The following KLRD1 variants were observed in gnomAD, a reference collection of about 807,000 sequenced individuals.
KLRD1 encodes the protein killer cell lectin like receptor D1.
In KLRD1, 21 loss-of-function variants were observed where a neutral mutation model predicts 22.6. The ratio of observed to expected loss-of-function variants is 0.93; its 90% CI spans 0.66 to 1.34. The LOEUF is 1.34. KLRD1 is among the 40% of genes most tolerant of loss of function. KLRD1 has a pLI of 0.00. For synonymous variants in KLRD1, 59 were observed against 71.1 expected, an observed-to-expected ratio of 0.83 and a Z score of 0.85; for missense variants, 183 against 208.6, an observed-to-expected ratio of 0.88 and a Z score of 0.76.
intron 1 of KLRD1, among the ~76,000 whole-genome samples, chr12:10,283,005 T>G (rs1949660842): frequency 6.6e-6 from 1 of 152,192 alleles, no homozygotes; most frequent in South Asian, 2.1e-4. Context: ...TTCGTGAATG[T>G]CCAGGCAGGA....
Position 10,321,689 on chromosome 12 carries a change from C to T in KLRD1, c.*6896C>T, listed in dbSNP as rs575308137. 2.6e-5 allele frequency: 4 copies of T among 152,306 alleles called. No homozygotes were observed. The South Asian group carries it at 6.2e-4, about 24-fold the overall frequency. 9.4% of individuals were successfully genotyped at this position (152,306 alleles called of 1,614,324 possible). On this transcript the variant is annotated 3_prime_UTR_variant, in exon 6 of 6. Transcript: ENST00000336164. ...TATCATCTGATTTGGTGGAAGCCAG[C>T]TACCTTGTCGTGAGCAACTCTTTTA... is the stretch of plus-strand genomic sequence containing the variant.
chr12:10,300,202 A>G (rs1020622074), upstream of KLRD1, among the ~76,000 whole-genome samples: 6 of 152,186 alleles, frequency 3.9e-5, no homozygotes, highest in Non-Finnish European at 7.3e-5. Context: ...TTCTTAATTT[A>G]CTTTATCCAG....
At chr12:10,303,451 T>C (rs1949883812), upstream of KLRD1, among the ~76,000 whole-genome samples, 1 of 152,174 alleles carries the variant, frequency 6.6e-6, no homozygotes, top group South Asian at 2.1e-4. Context: ...ACATGTTGAA[T>C]AAAGATTTTC....
chr12:10,314,819 A>G lies in KLRD1; in HGVS notation c.*26A>G. Reference sequence around the variant, plus strand: ...ATGTTTCTTGGGGCAGAGAAGGTGGAGAGTAAAGACCCAACATTACTAACA... The same window carrying G: ...ATGTTTCTTGGGGCAGAGAAGGTGGGGAGTAAAGACCCAACATTACTAACA... On this transcript the variant is annotated 3_prime_UTR_variant, in exon 6 of 6. Coordinates refer to ENST00000336164, the MANE Select transcript of KLRD1 (RefSeq NM_002262.5). The G allele has an allele frequency of 6.3e-7, 1 of 1,594,374 alleles. No individual in the cohort carries two copies. Among genetic ancestry groups the G allele is most frequent in the Non-Finnish European group, 8.5e-7 (1 of 1,172,270 alleles).
chr12:10,311,635 T>A lies in KLRD1; in HGVS notation c.315+20T>A. On this transcript the variant is annotated intron_variant, in intron 4 of 5. Coordinates refer to ENST00000336164, the MANE Select transcript of KLRD1 (RefSeq NM_002262.5). ...GAACTGGCATGTGCTGAGTCTGATT[T>A]TCTACATTTTCTTTGATCTAGAAAA... is the stretch of plus-strand genomic sequence containing the variant. 6.2e-7 allele frequency: 1 copy of A among 1,608,918 alleles called. No individual in the cohort carries two copies. The highest frequency in any genetic ancestry group is 8.5e-7 in the Non-Finnish European group (1 of 1,176,454).
intron 1 of KLRD1, among the ~76,000 whole-genome samples, chr12:10,298,119 T>C (rs1565463630): frequency 6.6e-6 from 1 of 152,200 alleles, no homozygotes; most frequent in Non-Finnish European, 1.5e-5. Flanking sequence ...GTGCTAATGA[T>C]ATAATTGAGG....
chr12:10,277,042 A>G (rs1371373364), intron 1 of KLRD1, among the ~76,000 whole-genome samples: 1 of 152,136 alleles, frequency 6.6e-6, no homozygotes, highest in African/African-American at 2.4e-5. Context: ...TGAGAAAATA[A>G]AAGTCAAGCC....
chr12:10,303,888 C>G (rs1317966776), upstream of KLRD1, among the ~76,000 whole-genome samples: 4 of 151,988 alleles, frequency 2.6e-5, no homozygotes, highest in Non-Finnish European at 5.9e-5. Flanking sequence ...CCTACAGATG[C>G]AAAAGTCTGT....
chr12:10,272,466 C>T (rs1403879690), intron 1 of KLRD1, among the ~76,000 whole-genome samples: 3 of 152,160 alleles, frequency 2.0e-5, no homozygotes, highest in African/African-American at 7.2e-5. Flanking sequence ...GTTATGAACT[C>T]ATTATTTTTA....
At chr12:10,240,386 T>C (rs1949229533) in intron 1 of KLRD1, among the ~76,000 whole-genome samples, 1 of 152,074 alleles carries the variant, frequency 6.6e-6, no homozygotes, top group East Asian at 1.9e-4. Flanking sequence ...ACATGCCTTT[T>C]TTTTTTCTTT....
chr12:10,272,809 A>G (rs1036390037), intron 1 of KLRD1, among the ~76,000 whole-genome samples: 5 of 152,226 alleles, frequency 3.3e-5, no homozygotes, highest in African/African-American at 1.2e-4. Flanking sequence ...TCTTTTATGT[A>G]TGATGAACCA....
At chr12:10,242,455 T>C (rs1283522881) in intron 1 of KLRD1, among the ~76,000 whole-genome samples, 1 of 152,160 alleles carries the variant, frequency 6.6e-6, no homozygotes, top group Non-Finnish European at 1.5e-5. Context: ...CACTGTACCA[T>C]CTGGTGGATA....
At position 10,276,525 on chromosome 12, in the gene KLRD1, T is replaced by C. The variant is rs928093711; in HGVS notation, c.-100-31453T>C. Among the ~76,000 whole-genome samples the C allele has an allele frequency of 2.0e-5, 3 of 152,110 alleles. No homozygotes were observed. In the East Asian group the frequency reaches 5.8e-4, roughly 29 times the overall value. ...TCTTGGTATTGAGAATAAGAAATTT[T>C]TCTTTTTCTTTTTTTCTTTTGAATC... On this transcript the variant is annotated intron_variant, in intron 1 of 5. Coordinates refer to the KLRD1 transcript ENST00000544747.
intron 4 of KLRD1, 49 bp downstream of exon 4, chr12:10,311,664 T>C (rs756201449): frequency 6.3e-7 from 1 of 1,577,504 alleles, no homozygotes; most frequent in Non-Finnish European, 8.7e-7. Context: ...TAGAAAAATA[T>C]ACTATCTAAA....
At chr12:10,302,717 G>C (rs2137678437), upstream of KLRD1, among the ~76,000 whole-genome samples, 1 of 151,934 alleles carries the variant, frequency 6.6e-6, no homozygotes, top group Non-Finnish European at 1.5e-5. Flanking sequence ...TGGGGCCACA[G>C]GATTAGTTGA....
chr12:10,274,321 A>G (rs1164583813), intron 1 of KLRD1, among the ~76,000 whole-genome samples: 1 of 152,188 alleles, frequency 6.6e-6, no homozygotes, highest in African/African-American at 2.4e-5. Context: ...TATTTACAAA[A>G]ATTACATCTA....
At position 10,242,071 on chromosome 12, in the gene KLRD1, G is replaced by GT. The variant is rs72326980; in HGVS notation, c.-101+15857dup. Among the ~76,000 whole-genome samples, 1,117 of 99,388 alleles carry GT rather than the reference G, an allele frequency of 0.011. 59 individuals are homozygous for GT. The East Asian group carries it at 0.11, about 10-fold the overall frequency. 65.2% of individuals were successfully genotyped at this position (99,388 alleles called of 152,430 possible). ...GGATTTCTTTGTTACTGTTCTTGCT[G>GT]TTTTTTTTTTTTTTTTTTTCAGAGA... On this transcript the variant is annotated intron_variant, in intron 1 of 5. Transcript: ENST00000544747.
intron 1 of KLRD1, among the ~76,000 whole-genome samples, chr12:10,263,335 T>G (rs1949471003): frequency 6.6e-6 from 1 of 152,062 alleles, no homozygotes; most frequent in African/African-American, 2.4e-5. Context: ...TTGTACCATT[T>G]ACACAATTGT....
chr12:10,299,094 C>T (rs1179935222), intron 1 of KLRD1, among the ~76,000 whole-genome samples: 1 of 151,888 alleles, frequency 6.6e-6, no homozygotes, highest in Non-Finnish European at 1.5e-5. Context: ...ACTTTTCCAG[C>T]AAAGAATCAA....
Sources: gnomAD v4.1 joint callset for allele counts (sites outside exome capture counted in the v4.1 genomes callset) on GRCh38, gnomAD v4.1.1 for gene constraint, MANE v1.5 for transcripts, NCBI Gene and HGNC (gene_info 2026-07-23, HGNC 2026-07-21) for gene names.